The following NSMCE2 variants were observed in gnomAD, a reference collection of about 807,000 sequenced individuals.
The protein encoded by NSMCE2 is NSE2 SUMO ligase component of SMC5/6 complex.
In NSMCE2, 24 loss-of-function variants were observed where a neutral mutation model predicts 23.8. The ratio of observed to expected loss-of-function variants is 1.01; its 90% CI spans 0.73 to 1.42. NSMCE2 has a LOEUF of 1.42. Among genes scored for constraint, NSMCE2 ranks in the 40% most tolerant of loss-of-function variants. The pLI, the probability that NSMCE2 is intolerant of heterozygous loss-of-function variation, is 0.00. For synonymous variants in NSMCE2, 92 were observed against 94.1 expected (o/e 0.98, Z 0.13); for missense variants, 284 against 296.5 (o/e 0.96, Z 0.31).
At chr8:125,113,627 C>A (rs1286600845) in intron 3 of NSMCE2, among the ~76,000 whole-genome samples, 1 of 152,106 alleles carries the variant, frequency 6.6e-6, no homozygotes, top group African/African-American at 2.4e-5. Flanking sequence ...AACCTGAACA[C>A]AATAAAGTGT....
At chr8:125,293,491 A>G (rs1443110547) in intron 5 of NSMCE2, among the ~76,000 whole-genome samples, 2 of 134,314 alleles carry the variant, frequency 1.5e-5, no homozygotes, top group African/African-American at 6.1e-5. Flanking sequence ...TAATTTTGAA[A>G]TTTATTTGAA....
intron 3 of NSMCE2, among the ~76,000 whole-genome samples, chr8:125,115,258 G>T (rs1202338663): frequency 6.6e-6 from 1 of 152,170 alleles, no homozygotes; most frequent in Non-Finnish European, 1.5e-5. Flanking sequence ...TGGAGAGCTG[G>T]TTATGAAGCA....
chr8:125,101,540 T>G (rs538400762), intron 1 of NSMCE2, among the ~76,000 whole-genome samples: 1 of 152,240 alleles, frequency 6.6e-6, no homozygotes, highest in African/African-American at 2.4e-5. Flanking sequence ...CTCCCATCCC[T>G]TTAAAACTGT....
At chr8:125,355,245 C>T (rs1337300737) in intron 5 of NSMCE2, among the ~76,000 whole-genome samples, 1 of 152,148 alleles carries the variant, frequency 6.6e-6, no homozygotes. Context: ...CCATCTGAAC[C>T]AGAAACAAGG....
chr8:125,366,404 G>A (rs1194334352), intron 7 of NSMCE2, among the ~76,000 whole-genome samples: 2 of 152,202 alleles, frequency 1.3e-5, no homozygotes, highest in Non-Finnish European at 2.9e-5. Context: ...GCCGGGCGTG[G>A]TGGTGGGTGC....
chr8:125,257,290 G>GA (rs112767956), intron 5 of NSMCE2, among the ~76,000 whole-genome samples: 7,148 of 109,206 alleles, frequency 0.065, 232 homozygotes, highest in South Asian at 0.22. Context: ...TCTCAAAAAA[G>GA]AAAAAAAAAA....
intron 5 of NSMCE2, among the ~76,000 whole-genome samples, chr8:125,311,943 C>T (rs923712752): frequency 6.6e-6 from 1 of 151,838 alleles, no homozygotes; most frequent in South Asian, 2.1e-4. Context: ...TGGCGCATGC[C>T]TGTAATCCCA....
chr8:125,149,843 T>G (rs956515841), intron 3 of NSMCE2, among the ~76,000 whole-genome samples: 1 of 152,114 alleles, frequency 6.6e-6, no homozygotes, highest in East Asian at 1.9e-4. Context: ...GTATGTAAGG[T>G]TTTTTTGTTT....
In NSMCE2 at chr8:125,314,819, G is replaced by A. The variant is rs143450514; in HGVS notation, c.419-42400G>A. ...CAGTGTGCCAGCTCTTGGTGATAGA[G>A]CAATTAAGTAAAATGCTGGATGAAG... is the stretch of plus-strand genomic sequence containing the variant. On this transcript the variant is annotated intron_variant, in intron 5 of 7. Coordinates refer to ENST00000287437, the MANE Select transcript of NSMCE2 (RefSeq NM_173685.4). Among the ~76,000 whole-genome samples the A allele has an allele frequency of 3.2e-3, 484 of 152,312 alleles. 5 individuals carry two copies. Among genetic ancestry groups the A allele is most frequent in the Non-Finnish European group, 3.7e-3 (254 of 68,032 alleles).
At chr8:125,267,694 T>A (rs960945337) in intron 5 of NSMCE2, among the ~76,000 whole-genome samples, 10 of 152,244 alleles carry the variant, frequency 6.6e-5, no homozygotes, top group African/African-American at 2.4e-4. Context: ...GGAGGATAAC[T>A]TGAGCCCAGG....
intron 3 of NSMCE2, among the ~76,000 whole-genome samples, chr8:125,123,821 T>TA (rs1226551684): frequency 6.6e-6 from 1 of 152,204 alleles, no homozygotes; most frequent in Non-Finnish European, 1.5e-5. Flanking sequence ...CCTTGTTTTT[T>TA]AAAAAAATTC....
intron 3 of NSMCE2, among the ~76,000 whole-genome samples, chr8:125,134,946 C>G (rs894375430): frequency 2.0e-5 from 3 of 151,978 alleles, no homozygotes; most frequent in African/African-American, 7.3e-5. Context: ...CTCACTCTGT[C>G]ACTCAGGCTG....
At chr8:125,151,379 T>G in intron 4 of NSMCE2, 102 bp downstream of exon 4, 4 of 602,530 alleles carry the variant, frequency 6.6e-6, no homozygotes, top group Non-Finnish European at 1.2e-5. Flanking sequence ...AATGTTTCCT[T>G]ATCCTTAATG....
At chr8:125,252,885 G>A (rs573564285) in intron 5 of NSMCE2, among the ~76,000 whole-genome samples, 2 of 152,372 alleles carry the variant, frequency 1.3e-5, no homozygotes, top group South Asian at 2.1e-4. Flanking sequence ...GTTATTTAAA[G>A]TGTCCTCACC....
At chr8:125,121,908 A>G (rs1397006699) in intron 3 of NSMCE2, among the ~76,000 whole-genome samples, 2 of 152,142 alleles carry the variant, frequency 1.3e-5, no homozygotes, top group Non-Finnish European at 1.5e-5. Flanking sequence ...TGGATTTCAG[A>G]TTGGAAATAT....
At chr8:125,364,489 T>A (rs1237457104) in intron 7 of NSMCE2, among the ~76,000 whole-genome samples, 1 of 152,196 alleles carries the variant, frequency 6.6e-6, no homozygotes, top group Non-Finnish European at 1.5e-5. Flanking sequence ...TATCCTGTGC[T>A]TTATGGAGAG....
At chr8:125,195,266 G>A (rs1392984444) in intron 5 of NSMCE2, among the ~76,000 whole-genome samples, 2 of 152,088 alleles carry the variant, frequency 1.3e-5, no homozygotes, top group African/African-American at 4.8e-5. Flanking sequence ...GATTAAGTTT[G>A]TGTCTGGTAA....
intron 5 of NSMCE2, among the ~76,000 whole-genome samples, chr8:125,230,487 G>T (rs1283152769): frequency 2.0e-5 from 3 of 152,072 alleles, no homozygotes; most frequent in Non-Finnish European, 4.4e-5. Flanking sequence ...AACATCCCTT[G>T]GGGAAGTGGG....
intron 5 of NSMCE2, among the ~76,000 whole-genome samples, chr8:125,278,647 T>C (rs1827568020): frequency 6.6e-6 from 1 of 152,104 alleles, no homozygotes; most frequent in Admixed American, 6.5e-5. Context: ...TAAAGTCAAG[T>C]AGATTTTTGG....
Sources: allele counts gnomAD v4.1 joint callset (sites outside exome capture counted in the v4.1 genomes callset), GRCh38; gene constraint gnomAD v4.1.1; transcripts MANE v1.5; gene names NCBI Gene and HGNC (gene_info 2026-07-23, HGNC 2026-07-21).